PRKCQ: variants seen among roughly 807,000 people sequenced by gnomAD.
PRKCQ encodes the protein protein kinase C theta, also known as protein kinase C theta type.
PRKCQ carries 41 observed loss-of-function variants against 91.2 expected under a neutral mutation model. The ratio of observed to expected loss-of-function variants is 0.45; its 90% CI spans 0.35 to 0.58. The LOEUF is 0.58. Among genes scored for constraint, PRKCQ ranks in the 20% least tolerant of loss-of-function variants. The pLI is 0.00. For missense variants in PRKCQ, 673 were observed against 896.5 expected (o/e 0.75, Z 3.18); for synonymous variants, 307 against 316.9 (o/e 0.97, Z 0.33).
chr10:6,449,317 G>A (rs1733736236), intron 15 of PRKCQ, among the ~76,000 whole-genome samples: 1 of 151,826 alleles, frequency 6.6e-6, no homozygotes, highest in Non-Finnish European at 1.5e-5. Context: ...GCGATCAACT[G>A]GAAGAAAGAG....
intron 15 of PRKCQ, among the ~76,000 whole-genome samples, chr10:6,446,357 G>GT (rs66839272): frequency 0.11 from 8,833 of 79,630 alleles, 561 homozygotes; most frequent in African/African-American, 0.23. Flanking sequence ...ACTATGCTCA[G>GT]TTTTTTTTTT....
intron 1 of PRKCQ, among the ~76,000 whole-genome samples, chr10:6,523,221 G>A (rs1417777850): frequency 1.3e-5 from 2 of 152,130 alleles, no homozygotes; most frequent in Non-Finnish European, 2.9e-5. Flanking sequence ...AGGTTGAGGT[G>A]GGAGGATCAC....
rs544320451 is a variant in PRKCQ at position 6,540,485 on chromosome 10, G to A, written c.-9-25341C>T. Among the ~76,000 whole-genome samples, 11 of 152,246 alleles carry A rather than the reference G, an allele frequency of 7.2e-5. No individual in the cohort carries two copies. In the East Asian group the frequency reaches 9.7e-4, roughly 13 times the overall value. On this transcript the variant is annotated intron_variant, in intron 1 of 17. Transcript: ENST00000263125. Reference sequence around the variant, plus strand: ...AACCTCGTATAAGTGGAGTCTTAGCGTATTTGTCCTTTGTTTCTGGATCAT... The same window carrying A: ...AACCTCGTATAAGTGGAGTCTTAGCATATTTGTCCTTTGTTTCTGGATCAT...
chr10:6,452,664 T>C (rs1090704), intron 15 of PRKCQ, among the ~76,000 whole-genome samples: 4,566 of 149,398 alleles, frequency 0.031, 137 homozygotes, highest in African/African-American at 0.073. Flanking sequence ...GCTACCTGAC[T>C]TCAAACTATA....
At chr10:6,503,374 T>C (rs1017243032) in intron 4 of PRKCQ, among the ~76,000 whole-genome samples, 1 of 151,866 alleles carries the variant, frequency 6.6e-6, no homozygotes, top group Admixed American at 6.6e-5. Flanking sequence ...CAGGAAGGTG[T>C]GAAATAGAAA....
intron 1 of PRKCQ, among the ~76,000 whole-genome samples, chr10:6,548,701 G>C (rs373163787): frequency 2.4e-4 from 32 of 135,462 alleles, no homozygotes; most frequent in East Asian, 1.4e-3. Flanking sequence ...CATGGACATA[G>C]GAAGGGGAAC....
chr10:6,466,979 A>C (rs72781749), intron 12 of PRKCQ, among the ~76,000 whole-genome samples: 16,198 of 152,172 alleles, frequency 0.11, 1,107 homozygotes, highest in Non-Finnish European at 0.14. Flanking sequence ...TTAGTTTGTG[A>C]AATGGGGTAG....
rs1274251711 is a variant in PRKCQ at position 6,452,269 on chromosome 10, T to C, written c.1647+4405A>G. On this transcript the variant is annotated intron_variant, in intron 15 of 17. Coordinates refer to ENST00000263125, the MANE Select transcript of PRKCQ (RefSeq NM_006257.5). ...CAATGTACAAAAATCACAAGCATTC[T>C]TAGACACCAATAACAGACAGAGAGC... Among the ~76,000 whole-genome samples, 3 of 152,202 alleles carry C rather than the reference T, an allele frequency of 2.0e-5. No individual in the cohort carries two copies. The South Asian group carries it at 6.2e-4, about 32-fold the overall frequency.
Position 6,537,599 on chromosome 10 carries a change from G to A in PRKCQ, c.-9-22455C>T, listed in dbSNP as rs142951114. 7.2e-3 allele frequency among the ~76,000 whole-genome samples: 1,089 copies of A among 152,302 alleles called. 7 individuals are homozygous for A. The highest frequency in any genetic ancestry group is 0.025 in the African/African-American group (1,037 of 41,554). On this transcript the variant is annotated intron_variant, in intron 1 of 17. Coordinates refer to ENST00000263125, the MANE Select transcript of PRKCQ (RefSeq NM_006257.5). ...AGGTCTTTGAGCTCCTGTAAACTAA[G>A]TGCTGTTCTGTGAGGATTTTTAATG...
intron 16 of PRKCQ, among the ~76,000 whole-genome samples, chr10:6,437,928 C>T (rs1441399397): frequency 2.0e-5 from 3 of 152,332 alleles, no homozygotes; most frequent in Admixed American, 1.3e-4. Context: ...GCTGGGATTA[C>T]AGGCGTGAGC....
chr10:6,402,371 C>CAA, the PRKCQ span, among the ~76,000 whole-genome samples: 18,788 of 66,022 alleles, frequency 0.28, 2,338 homozygotes, highest in Non-Finnish European at 0.35. Context: ...ATTTCAATGC[C>CAA]AAAAAAAAAA....
chr10:6,396,720 C>A, the PRKCQ span, among the ~76,000 whole-genome samples: 1 of 152,174 alleles, frequency 6.6e-6, no homozygotes, highest in Non-Finnish European at 1.5e-5. Flanking sequence ...TACCTTTTGG[C>A]TATTATGAAT....
chr10:6,570,312 T>G (rs149374142), intron 1 of PRKCQ, among the ~76,000 whole-genome samples: 1 of 152,078 alleles, frequency 6.6e-6, no homozygotes, highest in Non-Finnish European at 1.5e-5. Flanking sequence ...AGGAGTTTGA[T>G]TGTGAAGAGA....
At chr10:6,470,994 G>A (rs933700223) in intron 12 of PRKCQ, among the ~76,000 whole-genome samples, 5 of 152,036 alleles carry the variant, frequency 3.3e-5, no homozygotes, top group African/African-American at 9.7e-5. Flanking sequence ...TGAACTCTGG[G>A]ATGAAGGGGA....
intron 11 of PRKCQ, 34 bp from the exon 12 acceptor site, chr10:6,479,199 G>A: frequency 6.2e-7 from 1 of 1,605,196 alleles, no homozygotes; most frequent in Non-Finnish European, 8.5e-7. Flanking sequence ...CTTTATTTTA[G>A]AATTTGGATT....
At chr10:6,441,390 C>A (rs1431371227) in intron 16 of PRKCQ, among the ~76,000 whole-genome samples, 1 of 152,154 alleles carries the variant, frequency 6.6e-6, no homozygotes, top group African/African-American at 2.4e-5. Flanking sequence ...GATCCGCTCA[C>A]CTTGGCCTCC....
intron 1 of PRKCQ, among the ~76,000 whole-genome samples, chr10:6,544,942 T>C (rs1284277107): frequency 6.6e-6 from 1 of 151,464 alleles, no homozygotes; most frequent in Non-Finnish European, 1.5e-5. Flanking sequence ...AAGTCAACTC[T>C]TTCTTTTCCT....
intron 2 of PRKCQ, among the ~76,000 whole-genome samples, chr10:6,511,568 C>A (rs1449074389): frequency 6.6e-6 from 1 of 152,068 alleles, no homozygotes; most frequent in African/African-American, 2.4e-5. Context: ...GTGCTGCAGC[C>A]GAGGAGATGA....
the PRKCQ span, among the ~76,000 whole-genome samples, chr10:6,405,842 C>T: frequency 6.6e-6 from 1 of 152,122 alleles, no homozygotes; most frequent in Admixed American, 6.5e-5. Context: ...ACCCATGTGC[C>T]CATGGGGAGC....
Sources: gnomAD v4.1 joint callset for allele counts (sites outside exome capture counted in the v4.1 genomes callset) on GRCh38, gnomAD v4.1.1 for gene constraint, MANE v1.5 for transcripts, NCBI Gene and HGNC (gene_info 2026-07-23, HGNC 2026-07-21) for gene names.